RAB6A: variants seen among roughly 807,000 people sequenced by gnomAD.
RAB6A encodes the protein RAB6A, member RAS oncogene family.
In RAB6A, 8 loss-of-function variants were observed where a neutral mutation model predicts 32.3. That is an observed-to-expected ratio of 0.25 (90% CI 0.15 to 0.45). The LOEUF is 0.45. Ranked by LOEUF, RAB6A falls within the 20% of genes least tolerant of loss-of-function variation. The pLI is 1.00. For synonymous variants in RAB6A, 73 were observed against 82.1 expected, an observed-to-expected ratio of 0.89 and a Z score of 0.60; for missense variants, 104 against 249.4, an observed-to-expected ratio of 0.42 and a Z score of 3.93.
At chr11:73,744,174 T>C (rs1270148037) in intron 1 of RAB6A, among the ~76,000 whole-genome samples, 1 of 151,196 alleles carries the variant, frequency 6.6e-6, no homozygotes, top group African/African-American at 2.4e-5. Context: ...CTGTCTCTAC[T>C]AAAAATACAA....
chr11:73,707,514 C>T lies in RAB6A; in HGVS notation c.402-1G>A. 6.2e-7 allele frequency: 1 copy of T among 1,604,364 alleles called. No individual in the cohort carries two copies. The highest frequency in any genetic ancestry group is 8.5e-7 in the Non-Finnish European group (1 of 1,171,760). ...CTCTCCCTCCTCAATTGACACTTGC[C>T]TGTAAAGAAACAAACAAACTTCTTA... On this transcript the variant is annotated splice_acceptor_variant, in intron 5 of 7. Transcript: ENST00000336083. LOFTEE classifies it high-confidence loss of function.
In RAB6A at chr11:73,760,087, G is replaced by C. The variant is rs1034444828; in HGVS notation, c.70+479C>G. 6.2e-6 allele frequency: 8 copies of C among 1,290,392 alleles called. No individual in the cohort carries two copies. In the African/African-American group the frequency reaches 1.2e-4, roughly 20 times the overall value. 79.9% of individuals were successfully genotyped at this position (1,290,392 alleles called of 1,614,324 possible). ...GCACTTCGCAGGGCCAAGCCTCTGG[G>C]GAAAACAACGCCCAGATCCCACCCT... On this transcript the variant is annotated intron_variant, in intron 1 of 7. Transcript: ENST00000336083.
intron 6 of RAB6A, among the ~76,000 whole-genome samples, chr11:73,686,923 C>T (rs961490962): frequency 1.3e-5 from 2 of 151,898 alleles, no homozygotes; most frequent in East Asian, 1.9e-4. Context: ...TATTTGCACA[C>T]CAATGTTCAT....
At chr11:73,746,620 T>C (rs1346219602) in intron 1 of RAB6A, among the ~76,000 whole-genome samples, 1 of 151,926 alleles carries the variant, frequency 6.6e-6, no homozygotes, top group Non-Finnish European at 1.5e-5. Context: ...AATAAAAAAA[T>C]TTAGCTGGGG....
At chr11:73,679,971 G>A (rs935977443) in intron 6 of RAB6A, among the ~76,000 whole-genome samples, 1 of 152,092 alleles carries the variant, frequency 6.6e-6, no homozygotes, top group Non-Finnish European at 1.5e-5. Context: ...GGTGGCACAC[G>A]CCTATAGTCC....
chr11:73,693,136 A>G lies in RAB6A; in HGVS notation c.496-13416T>C, dbSNP rs576088019. On this transcript the variant is annotated intron_variant, in intron 6 of 7. Coordinates refer to ENST00000336083, the MANE Select transcript of RAB6A (RefSeq NM_198896.2). ...AACTCCGTCTCTACTAAAAATACAA[A>G]AATTAGCCATGCGTGGTGGCACACG... Among the ~76,000 whole-genome samples the G allele has an allele frequency of 1.4e-4, 22 of 152,034 alleles. No individual in the cohort carries two copies. In the East Asian group the frequency reaches 4.1e-3, roughly 28 times the overall value.
chr11:73,760,526 C>G (rs759010929), intron 1 of RAB6A, 40 bp downstream of exon 1: 1 of 1,567,182 alleles, frequency 6.4e-7, no homozygotes, highest in East Asian at 2.4e-5. Context: ...TGCGGGGACG[C>G]TGCGGCCAGC....
chr11:73,722,322 T>C (rs1478481207), intron 2 of RAB6A: 3 of 8,756 alleles, frequency 3.4e-4, no homozygotes, highest in East Asian at 3.1e-3. Flanking sequence ...TATATATATA[T>C]ATATATATAT....
chr11:73,740,159 G>A (rs909070085), intron 1 of RAB6A, among the ~76,000 whole-genome samples: 4 of 151,772 alleles, frequency 2.6e-5, no homozygotes, highest in Admixed American at 2.0e-4. Context: ...AATAACATTG[G>A]CCAGATAGTA....
intron 3 of RAB6A, among the ~76,000 whole-genome samples, chr11:73,719,435 AGTGTGTGCGCGCACGCATGCACGCGTGT>A (rs1403420442): frequency 6.6e-6 from 1 of 152,110 alleles, no homozygotes; most frequent in Non-Finnish European, 1.5e-5. Context: ...AGAACATGCG[AGTGTGTGCGCGCACGCATGCACGCGTGT>A]GTGTGTATAA....
intron 2 of RAB6A, 108 bp from the exon 3 acceptor site, chr11:73,721,007 C>G: frequency 1.2e-6 from 1 of 826,694 alleles, no homozygotes; most frequent in South Asian, 1.5e-5. Context: ...ATAAACAAAT[C>G]AATACAACAT....
In RAB6A at chr11:73,677,638, ATG is replaced by A. The variant is rs1356945054; in HGVS notation, c.*258_*259del. ...TAAAAAAGAAAAAAATGTTAAGAAA[ATG>A]TATCTAATTTTTAAAGTTATCACTG... On this transcript the variant is annotated 3_prime_UTR_variant, in exon 8 of 8. Coordinates refer to ENST00000336083, the MANE Select transcript of RAB6A (RefSeq NM_198896.2). 1 of 867,056 alleles carries A rather than the reference ATG, an allele frequency of 1.2e-6. No homozygotes were observed. Among genetic ancestry groups the A allele is most frequent in the African/African-American group, 1.7e-5 (1 of 57,840 alleles). The allele number at this position is 867,056 out of a possible 1,614,324, so 53.7% of individuals were successfully genotyped here.
chr11:73,747,451 G>A (rs1256701565), intron 1 of RAB6A, among the ~76,000 whole-genome samples: 2 of 102,972 alleles, frequency 1.9e-5, no homozygotes, highest in African/African-American at 8.2e-5. Context: ...CCCCCGCCCC[G>A]CCCCCGGCCT....
chr11:73,740,418 G>A (rs1198354460), intron 1 of RAB6A, among the ~76,000 whole-genome samples: 5 of 152,116 alleles, frequency 3.3e-5, no homozygotes, highest in African/African-American at 4.8e-5. Context: ...ATCCAAGGGC[G>A]TCTCACCTAG....
At chr11:73,682,480 A>G (rs2367187) in intron 6 of RAB6A, among the ~76,000 whole-genome samples, 73,373 of 151,922 alleles carry the variant, frequency 0.48, 19,077 homozygotes, top group East Asian at 0.6. Flanking sequence ...TGGCTAACAC[A>G]GTGAAACCCC....
intron 1 of RAB6A, among the ~76,000 whole-genome samples, chr11:73,751,442 A>T (rs1363058759): frequency 6.6e-6 from 1 of 152,214 alleles, no homozygotes; most frequent in East Asian, 1.9e-4. Flanking sequence ...CAATGGGGAA[A>T]GCTGAGAAAG....
At chr11:73,758,182 GATCA>G (rs1489889876) in intron 1 of RAB6A, among the ~76,000 whole-genome samples, 2 of 152,142 alleles carry the variant, frequency 1.3e-5, no homozygotes, top group South Asian at 2.1e-4. Context: ...TGAAAACAGA[GATCA>G]ATCTTTCATT....
chr11:73,720,449 T>C (rs1946117466), intron 3 of RAB6A, among the ~76,000 whole-genome samples: 1 of 152,176 alleles, frequency 6.6e-6, no homozygotes, highest in South Asian at 2.1e-4. Flanking sequence ...CCCAAAGTGC[T>C]GGGATTACAG....
chr11:73,735,504 G>A (rs980742846), intron 1 of RAB6A, among the ~76,000 whole-genome samples: 9 of 152,074 alleles, frequency 5.9e-5, no homozygotes, highest in Non-Finnish European at 1.3e-4. Context: ...TGTGAATGGG[G>A]GCAGTCTTCT....
Sources: allele counts gnomAD v4.1 joint callset (sites outside exome capture counted in the v4.1 genomes callset), GRCh38; gene constraint gnomAD v4.1.1; transcripts MANE v1.5; gene names NCBI Gene and HGNC (gene_info 2026-07-23, HGNC 2026-07-21).